TNFRSF10A: variants seen among roughly 807,000 people sequenced by gnomAD.
TNFRSF10A encodes the protein TNF receptor superfamily member 10a, also known as tumor necrosis factor receptor superfamily member 10A.
TNFRSF10A carries 44 observed loss-of-function variants against 42.8 expected under a neutral mutation model. The observed-to-expected ratio is 1.03, with a 90% CI of 0.81 to 1.32. TNFRSF10A has a LOEUF of 1.32. TNFRSF10A is among the 40% of genes most tolerant of loss of function. The pLI is 0.00. For missense variants in TNFRSF10A, 680 were observed against 602.0 expected (o/e 1.13, Z -1.36); for synonymous variants, 259 against 234.2 (o/e 1.11, Z -0.97).
intron 1 of TNFRSF10A, among the ~76,000 whole-genome samples, chr8:23,213,147 C>T (rs148829646): frequency 2.0e-5 from 3 of 152,128 alleles, no homozygotes; most frequent in East Asian, 3.9e-4. Context: ...AGTAATTTAC[C>T]AGTTTTATCA....
intron 9 of TNFRSF10A, among the ~76,000 whole-genome samples, chr8:23,196,644 C>T (rs1206964932): frequency 6.6e-6 from 1 of 152,134 alleles, no homozygotes; most frequent in Non-Finnish European, 1.5e-5. Context: ...AGTGATTGGC[C>T]CTCTGTGCAG....
chr8:23,213,961 T>C (rs1801137086), intron 1 of TNFRSF10A, among the ~76,000 whole-genome samples: 1 of 152,126 alleles, frequency 6.6e-6, no homozygotes, highest in Non-Finnish European at 1.5e-5. Flanking sequence ...TTTTTGTTGT[T>C]GTTGTTGTTA....
chr8:23,222,912 G>T (rs1023830950), intron 1 of TNFRSF10A, among the ~76,000 whole-genome samples: 2 of 151,866 alleles, frequency 1.3e-5, no homozygotes, highest in East Asian at 3.9e-4. Context: ...TTCCCCTGAT[G>T]GGCAGAATCC....
chr8:23,206,967 C>A, intron 2 of TNFRSF10A: 1 of 329,442 alleles, frequency 3.0e-6, no homozygotes, highest in East Asian at 7.3e-5. Flanking sequence ...AAAGCTGAAG[C>A]GATGCAAAGG....
At chr8:23,199,806 C>T (rs980114757) in intron 7 of TNFRSF10A, 80 bp downstream of exon 7, 8 of 1,598,478 alleles carry the variant, frequency 5.0e-6, no homozygotes, top group Non-Finnish European at 6.0e-6. Flanking sequence ...GCACGGGGAC[C>T]CACCCACCTG....
chr8:23,209,569 A>C (rs1801064874), intron 2 of TNFRSF10A, among the ~76,000 whole-genome samples: 1 of 152,232 alleles, frequency 6.6e-6, no homozygotes, highest in African/African-American at 2.4e-5. Flanking sequence ...CCTGGATGTA[A>C]GACAAGGAGT....
intron 2 of TNFRSF10A, chr8:23,207,482 A>C (rs1411966997): frequency 7.9e-6 from 3 of 378,848 alleles, no homozygotes; most frequent in Non-Finnish European, 1.5e-5. Context: ...AAGAAGAATT[A>C]ATACCAATTA....
At chr8:23,196,443 G>A (rs151264226) in intron 9 of TNFRSF10A, among the ~76,000 whole-genome samples, 2,576 of 152,054 alleles carry the variant, frequency 0.017, 40 homozygotes, top group South Asian at 0.039. Context: ...TGATTCGCCC[G>A]CCTCGGCCTC....
At chr8:23,219,744 T>TTG (rs1801232052) in intron 1 of TNFRSF10A, among the ~76,000 whole-genome samples, 1 of 152,124 alleles carries the variant, frequency 6.6e-6, no homozygotes, top group Non-Finnish European at 1.5e-5. Flanking sequence ...ATCAGGACTG[T>TTG]CCCCGCTCCC....
intron 2 of TNFRSF10A, chr8:23,207,325 G>C: frequency 1.7e-6 from 1 of 594,980 alleles, no homozygotes; most frequent in East Asian, 4.3e-5. Flanking sequence ...ACTGGCTCCT[G>C]ATTACCATGT....
Position 23,191,697 on chromosome 8 carries a change from C to T in TNFRSF10A, c.1404G>A (p.Glu468=). 1 of 1,612,496 alleles carries T rather than the reference C, an allele frequency of 6.2e-7. No individual in the cohort carries two copies. The highest frequency in any genetic ancestry group is 1.1e-5 in the South Asian group (1 of 90,948). Residue 468 remains glutamate (E), a synonymous_variant, in exon 10 of 10, where the codon GAG becomes GAA. Transcript: ENST00000221132. ...EDGTGSAVSL[E] is the part of the protein sequence containing the mutation. ...AACCTCTGGTAAAAAGAGTCTTTCA[C>T]TCCAAGGACACGGCAGAGCCTGTGC... is the stretch of plus-strand genomic sequence containing the variant.
chr8:23,197,129 T>C lies in TNFRSF10A; in HGVS notation c.1087+3A>G, dbSNP rs1182770878. ...GCTGCATCTCCAGGAGCAAAACACT[T>C]ACTCTCAGTGGGGTCAGCACCATTT... On this transcript the variant is annotated splice_donor_region_variant and intron_variant, in intron 9 of 9. Coordinates refer to ENST00000221132, the MANE Select transcript of TNFRSF10A (RefSeq NM_003844.4). 3 of 1,614,010 alleles carry C rather than the reference T, an allele frequency of 1.9e-6. No individual in the cohort carries two copies. The highest frequency in any genetic ancestry group is 2.5e-6 in the Non-Finnish European group (3 of 1,179,996).
intron 2 of TNFRSF10A, chr8:23,207,007 G>A (rs989468671): frequency 1.0e-4 from 40 of 396,984 alleles, no homozygotes; most frequent in Non-Finnish European, 1.9e-4. Context: ...AGTGTAGAAA[G>A]GTGTCCACTG....
At chr8:23,216,073 C>A (rs1801175602) in intron 1 of TNFRSF10A, among the ~76,000 whole-genome samples, 1 of 152,132 alleles carries the variant, frequency 6.6e-6, no homozygotes, top group African/African-American at 2.4e-5. Context: ...CTGCCTCGGC[C>A]TCCCAAAGTG....
chr8:23,195,965 T>TG (rs1554522401), intron 9 of TNFRSF10A, among the ~76,000 whole-genome samples: 1 of 152,148 alleles, frequency 6.6e-6, no homozygotes. Context: ...AAAAGGTTTT[T>TG]TTGTTGTTGT....
Position 23,201,930 on chromosome 8 carries a change from A to G in TNFRSF10A, c.518-11T>C, listed in dbSNP as rs762954853. Reference sequence around the variant, plus strand: ...TTCTCTCTTCTTCATCTGATGACAGAGTACAAGGTTTTGGGAATGTGTTTC... The same window carrying G: ...TTCTCTCTTCTTCATCTGATGACAGGGTACAAGGTTTTGGGAATGTGTTTC... On this transcript the variant is annotated splice_polypyrimidine_tract_variant and intron_variant, in intron 3 of 9. Transcript: ENST00000221132. The G allele has an allele frequency of 6.2e-7, 1 of 1,612,950 alleles. No individual in the cohort carries two copies. Among genetic ancestry groups the G allele is most frequent in the Non-Finnish European group, 8.5e-7 (1 of 1,179,116 alleles).
chr8:23,203,536 C>T (rs867668707), intron 2 of TNFRSF10A, among the ~76,000 whole-genome samples: 1 of 152,204 alleles, frequency 6.6e-6, no homozygotes, highest in Non-Finnish European at 1.5e-5. Context: ...TCTGGAGGCT[C>T]GACCTTCACC....
chr8:23,220,631 A>ACCT (rs1801244360), intron 1 of TNFRSF10A, among the ~76,000 whole-genome samples: 1 of 152,204 alleles, frequency 6.6e-6, no homozygotes, highest in African/African-American at 2.4e-5. Context: ...GGCTGGTGTC[A>ACCT]GTCACTCATG....
chr8:23,212,201 G>A lies in TNFRSF10A; in HGVS notation c.318C>T (p.Ser106=). ...VVGVLLQVVP[S]SAATIKLHDQ... is the part of the protein sequence containing the mutation. ...CATGAAGTTTGATGGTTGCAGCTGA[G>A]CTAGGTACGACCTGTGGGGACAAAG... is the stretch of plus-strand genomic sequence containing the variant. The change falls in exon 2 of 10, where the codon AGC becomes AGT. Residue 106 remains serine (S), a synonymous_variant. Coordinates refer to ENST00000221132, the MANE Select transcript of TNFRSF10A (RefSeq NM_003844.4). The A allele has an allele frequency of 6.2e-7, 1 of 1,613,424 alleles. No individual in the cohort carries two copies. The highest frequency in any genetic ancestry group is 8.5e-7 in the Non-Finnish European group (1 of 1,179,530).
Sources: allele counts gnomAD v4.1 joint callset (sites outside exome capture counted in the v4.1 genomes callset), GRCh38; gene constraint gnomAD v4.1.1; transcripts MANE v1.5; gene names NCBI Gene and HGNC (gene_info 2026-07-23, HGNC 2026-07-21).